Variants in DOCK2 observed in about 807,000 individuals in gnomAD.
The protein encoded by DOCK2 is dedicator of cytokinesis 2.
In DOCK2, 87 loss-of-function variants were observed where a neutral mutation model predicts 248.9. That is an observed-to-expected ratio of 0.35 (90% CI 0.29 to 0.42). The LOEUF is 0.42. Among genes scored for constraint, DOCK2 ranks in the 10% least tolerant of loss-of-function variants. The probability of loss-of-function intolerance (pLI) is 1.00; values close to 1 mark genes in which losing one functional copy is unlikely to be tolerated. For synonymous variants in DOCK2, 805 were observed against 821.6 expected, an observed-to-expected ratio of 0.98 and a Z score of 0.35; for missense variants, 1,747 against 2,300.2, an observed-to-expected ratio of 0.76 and a Z score of 4.92.
At chr5:169,717,067 C>G (rs1761950181) in intron 20 of DOCK2, among the ~76,000 whole-genome samples, 1 of 152,128 alleles carries the variant, frequency 6.6e-6, no homozygotes, top group African/African-American at 2.4e-5. Context: ...GTTGCATGAC[C>G]CTTTTAGAGA....
chr5:169,985,890 A>T lies in DOCK2; in HGVS notation c.2961A>T (p.Gly987=). 6.2e-7 allele frequency: 1 copy of T among 1,610,864 alleles called. No homozygotes were observed. The change falls in exon 29 of 52, where the codon GGA becomes GGT. Residue 987 remains glycine (G), a synonymous_variant. Transcript: ENST00000520908. Reference sequence around the variant, plus strand: ...TCATTGGAAAGAACGTGTACCCTGGAGACTGGATGGCCATGAGCATGGTTC... The same window carrying T: ...TCATTGGAAAGAACGTGTACCCTGGTGACTGGATGGCCATGAGCATGGTTC... ...KDLIGKNVYP[G]DWMAMSMVQN...
Position 169,996,074 on chromosome 5 carries a change from G to A in DOCK2, c.2994-12G>A. The A allele has an allele frequency of 6.2e-7, 1 of 1,613,338 alleles. No individual in the cohort carries two copies. Among genetic ancestry groups the A allele is most frequent in the African/African-American group, 1.3e-5 (1 of 74,988 alleles). On this transcript the variant is annotated splice_polypyrimidine_tract_variant and intron_variant, in intron 29 of 51. Transcript: ENST00000520908. ...TGCTCAGACAGTCTGGTAATTTTCT[G>A]CCCTCTTCCAGGGTCTTCCTGAGAG...
intron 34 of DOCK2, 85 bp downstream of exon 34, chr5:170,028,033 G>T: frequency 8.0e-7 from 1 of 1,256,074 alleles, no homozygotes. Context: ...GCTCCGAGTG[G>T]CTCTGTCCTC....
At chr5:169,782,138 C>T (rs1765746658) in intron 25 of DOCK2, among the ~76,000 whole-genome samples, 1 of 152,134 alleles carries the variant, frequency 6.6e-6, no homozygotes, top group African/African-American at 2.4e-5. Flanking sequence ...CAGGGGACTA[C>T]AGCGAGTTGC....
At chr5:170,029,778 T>C (rs1756061893) in intron 34 of DOCK2, among the ~76,000 whole-genome samples, 1 of 152,242 alleles carries the variant, frequency 6.6e-6, no homozygotes, top group Non-Finnish European at 1.5e-5. Context: ...TCAATCCTTT[T>C]TGAATGTTTT....
chr5:169,911,706 C>T (rs1276525077), intron 27 of DOCK2, among the ~76,000 whole-genome samples: 2 of 152,174 alleles, frequency 1.3e-5, no homozygotes, highest in East Asian at 3.8e-4. Flanking sequence ...GAAGTTGGTG[C>T]TACAGAGATG....
intron 22 of DOCK2, among the ~76,000 whole-genome samples, chr5:169,732,079 A>G (rs1452862884): frequency 6.6e-6 from 1 of 152,162 alleles, no homozygotes; most frequent in African/African-American, 2.4e-5. Context: ...AGATTGCACC[A>G]CTGCACTCCA....
intron 27 of DOCK2, among the ~76,000 whole-genome samples, chr5:169,905,763 G>T (rs1399838041): frequency 6.6e-6 from 1 of 152,170 alleles, no homozygotes; most frequent in Non-Finnish European, 1.5e-5. Flanking sequence ...AGGTGTGCAG[G>T]GCTCACCACA....
intron 27 of DOCK2, among the ~76,000 whole-genome samples, chr5:169,893,084 A>T (rs1034388275): frequency 6.6e-6 from 1 of 151,788 alleles, no homozygotes; most frequent in Non-Finnish European, 1.5e-5. Flanking sequence ...TTGCATCTTC[A>T]TAAATGTTTT....
At chr5:169,966,772 G>C (rs944365013) in intron 27 of DOCK2, among the ~76,000 whole-genome samples, 15 of 152,268 alleles carry the variant, frequency 9.9e-5, no homozygotes, top group African/African-American at 3.1e-4. Flanking sequence ...GGAAAGAATG[G>C]CCAGGACTCC....
intron 23 of DOCK2, among the ~76,000 whole-genome samples, chr5:169,758,586 T>C (rs1764318052): frequency 6.6e-6 from 1 of 152,252 alleles, no homozygotes; most frequent in East Asian, 1.9e-4. Context: ...GAAATGGCTC[T>C]AAGTGCAGCC....
chr5:169,717,545 T>A (rs1761968839), intron 21 of DOCK2, 61 bp downstream of exon 21: 1 of 1,462,456 alleles, frequency 6.8e-7, no homozygotes, highest in Non-Finnish European at 9.6e-7. Context: ...CCAGGATGCC[T>A]AGGGCACAGG....
intron 9 of DOCK2, among the ~76,000 whole-genome samples, chr5:169,693,764 G>A (rs1760442583): frequency 6.6e-6 from 1 of 152,138 alleles, no homozygotes; most frequent in African/African-American, 2.4e-5. Flanking sequence ...AGAACCCATG[G>A]AATATAAGTT....
At chr5:169,657,157 G>A (rs1758168353) in intron 2 of DOCK2, among the ~76,000 whole-genome samples, 1 of 152,154 alleles carries the variant, frequency 6.6e-6, no homozygotes, top group African/African-American at 2.4e-5. Context: ...TCATGGCCAT[G>A]CAGAGTTTTC....
At chr5:169,940,092 G>C (rs1332802148) in intron 27 of DOCK2, among the ~76,000 whole-genome samples, 1 of 152,182 alleles carries the variant, frequency 6.6e-6, no homozygotes, top group East Asian at 1.9e-4. Context: ...TGGGGAGAGG[G>C]GTGATTAGGG....
At chr5:169,957,791 G>T (rs1776927352) in intron 27 of DOCK2, among the ~76,000 whole-genome samples, 1 of 152,184 alleles carries the variant, frequency 6.6e-6, no homozygotes, top group Non-Finnish European at 1.5e-5. Context: ...AGCTGGTAGA[G>T]CTCCATGTAC....
intron 28 of DOCK2, among the ~76,000 whole-genome samples, chr5:169,985,148 C>T (rs1335374152): frequency 6.6e-6 from 1 of 152,122 alleles, no homozygotes; most frequent in Non-Finnish European, 1.5e-5. Flanking sequence ...CATGATCCAC[C>T]CTTCTCAGCC....
rs1581187722 is a variant in DOCK2, at chr5:169,786,792, C to A, written c.2555-16266C>A. On this transcript the variant is annotated intron_variant, in intron 25 of 51. Transcript: ENST00000520908. Reference sequence around the variant, plus strand: ...TATGGACTCTATGTATACATGTACACACACACGTATTTATATTTTATATAA... The same window carrying A: ...TATGGACTCTATGTATACATGTACAAACACACGTATTTATATTTTATATAA... 2.0e-5 allele frequency among the ~76,000 whole-genome samples: 3 copies of A among 152,262 alleles called. No individual in the cohort carries two copies. The South Asian group carries it at 6.2e-4, about 32-fold the overall frequency.
At chr5:169,990,611 G>T (rs1778181125) in intron 29 of DOCK2, among the ~76,000 whole-genome samples, 1 of 152,206 alleles carries the variant, frequency 6.6e-6, no homozygotes, top group South Asian at 2.1e-4. Flanking sequence ...CATTTTGTGT[G>T]TTGTAAAGGA....
Sources: gnomAD v4.1 joint callset for allele counts (sites outside exome capture counted in the v4.1 genomes callset) on GRCh38, gnomAD v4.1.1 for gene constraint, MANE v1.5 for transcripts, NCBI Gene and HGNC (gene_info 2026-07-23, HGNC 2026-07-21) for gene names.